The following SGCD variants were observed in gnomAD, a reference collection of about 807,000 sequenced individuals.
SGCD encodes sarcoglycan delta.
SGCD carries 18 observed loss-of-function variants against 36.6 expected under a neutral mutation model. The ratio of observed to expected loss-of-function variants is 0.49; its 90% CI spans 0.34 to 0.73. The LOEUF (loss-of-function observed/expected upper bound fraction) is 0.73. Among genes scored for constraint, SGCD ranks in the 30% least tolerant of loss-of-function variants. The pLI, the probability that SGCD is intolerant of heterozygous loss-of-function variation, is 0.01. For missense variants in SGCD, 387 were observed against 346.7 expected, an observed-to-expected ratio of 1.12 and a Z score of -0.92; for synonymous variants, 133 against 130.6, an observed-to-expected ratio of 1.02 and a Z score of -0.12.
chr5:156,006,301 A>G (rs531339687), intron 1 of SGCD, among the ~76,000 whole-genome samples: 15 of 152,328 alleles, frequency 9.8e-5, no homozygotes, highest in African/African-American at 3.6e-4. Flanking sequence ...CTAGCTTGGC[A>G]TTGATTTTGA....
chr5:156,456,174 C>T (rs1754249568), intron 3 of SGCD, among the ~76,000 whole-genome samples: 1 of 152,094 alleles, frequency 6.6e-6, no homozygotes. Flanking sequence ...GGGGAGGTAG[C>T]TTTGGAATGG....
At chr5:155,824,531 A>C in the SGCD span, among the ~76,000 whole-genome samples, 1 of 152,198 alleles carries the variant, frequency 6.6e-6, no homozygotes, top group Non-Finnish European at 1.5e-5. Context: ...ATGCACCATA[A>C]CTTGTTCAAA....
upstream of SGCD, among the ~76,000 whole-genome samples, chr5:156,324,600 C>T (rs1347930353): frequency 6.6e-6 from 1 of 152,120 alleles, no homozygotes. Flanking sequence ...TGAAATGAGC[C>T]ACATAACAAG....
intron 4 of SGCD, among the ~76,000 whole-genome samples, chr5:156,582,249 A>G (rs909723616): frequency 6.6e-6 from 1 of 152,166 alleles, no homozygotes; most frequent in African/African-American, 2.4e-5. Flanking sequence ...TTCATTGTCA[A>G]GTGCCACCTT....
At chr5:156,050,231 C>T (rs987389649) in intron 1 of SGCD, among the ~76,000 whole-genome samples, 4 of 146,210 alleles carry the variant, frequency 2.7e-5, no homozygotes, top group South Asian at 2.2e-4. Flanking sequence ...TTTAAGAAAT[C>T]GCCACAGCAA....
chr5:156,337,670 C>G (rs1242209335), intron 2 of SGCD, among the ~76,000 whole-genome samples: 1 of 152,136 alleles, frequency 6.6e-6, no homozygotes, highest in African/African-American at 2.4e-5. Context: ...TTCCTAGCAC[C>G]TAACTTTAGT....
At chr5:156,188,672 C>A (rs1434937009) in intron 3 of SGCD, among the ~76,000 whole-genome samples, 2 of 135,794 alleles carry the variant, frequency 1.5e-5, no homozygotes, top group African/African-American at 5.3e-5. Flanking sequence ...CCAACCGCCC[C>A]CCCCGACACA....
At chr5:156,754,194 G>T (rs563356880) in intron 7 of SGCD, among the ~76,000 whole-genome samples, 3 of 152,210 alleles carry the variant, frequency 2.0e-5, no homozygotes, top group African/African-American at 7.2e-5. Context: ...GGCCTAGGCA[G>T]TGGGCAAGAA....
chr5:156,408,780 C>T (rs1025954472), intron 3 of SGCD, among the ~76,000 whole-genome samples: 1 of 152,164 alleles, frequency 6.6e-6, no homozygotes, highest in Non-Finnish European at 1.5e-5. Flanking sequence ...ATTTTGCCTT[C>T]TTTTCCAAGG....
chr5:156,124,516 A>G (rs1287218898), intron 3 of SGCD, among the ~76,000 whole-genome samples: 1 of 152,154 alleles, frequency 6.6e-6, no homozygotes, highest in Non-Finnish European at 1.5e-5. Flanking sequence ...GCAGACTCTA[A>G]GTTGAAGTCA....
chr5:156,593,300 C>T (rs1335983454), intron 5 of SGCD, among the ~76,000 whole-genome samples: 3 of 152,116 alleles, frequency 2.0e-5, no homozygotes, highest in Non-Finnish European at 4.4e-5. Flanking sequence ...ACTATCAGCC[C>T]AGCCTTAGCA....
chr5:156,517,407 G>A (rs993783370), intron 4 of SGCD, among the ~76,000 whole-genome samples: 5 of 152,172 alleles, frequency 3.3e-5, no homozygotes, highest in African/African-American at 1.2e-4. Flanking sequence ...AACCAAGTTG[G>A]AAAACGTACT....
intron 3 of SGCD, among the ~76,000 whole-genome samples, chr5:156,189,160 T>A (rs1445605897): frequency 6.6e-6 from 1 of 152,152 alleles, no homozygotes; most frequent in Non-Finnish European, 1.5e-5. Context: ...TCCTTTAACA[T>A]CCAACAAACC....
At chr5:156,626,846 G>T (rs538455106) in intron 6 of SGCD, among the ~76,000 whole-genome samples, 1 of 152,198 alleles carries the variant, frequency 6.6e-6, no homozygotes, top group South Asian at 2.1e-4. Flanking sequence ...TAAAAAGGCA[G>T]CTCTTCTTGG....
At chr5:155,901,872 A>T (rs1353923398) in intron 1 of SGCD, among the ~76,000 whole-genome samples, 2 of 152,194 alleles carry the variant, frequency 1.3e-5, no homozygotes, top group African/African-American at 4.8e-5. Flanking sequence ...TCCCCACTTC[A>T]TAGATCAAGA....
intron 4 of SGCD, among the ~76,000 whole-genome samples, chr5:156,575,050 G>A (rs1474249187): frequency 6.6e-6 from 1 of 152,192 alleles, no homozygotes; most frequent in Non-Finnish European, 1.5e-5. Flanking sequence ...ACCTTGCATG[G>A]AAGAGCCCTG....
intron 3 of SGCD, among the ~76,000 whole-genome samples, chr5:156,154,704 A>C (rs1355964442): frequency 6.6e-6 from 1 of 151,708 alleles, no homozygotes; most frequent in Non-Finnish European, 1.5e-5. Flanking sequence ...CAGGTAAAGT[A>C]GTTGGACTGT....
chr5:155,794,613 A>C, the SGCD span, among the ~76,000 whole-genome samples: 1 of 152,150 alleles, frequency 6.6e-6, no homozygotes, highest in East Asian at 1.9e-4. Context: ...TAGACAGCTT[A>C]GTAGAACCTA....
chr5:156,290,575 C>T (rs541905664), intron 3 of SGCD, among the ~76,000 whole-genome samples: 177 of 152,214 alleles, frequency 1.2e-3, no homozygotes, highest in African/African-American at 3.9e-3. Flanking sequence ...TGAAAAGTTG[C>T]ACATGAAGTG....
Sources: gnomAD v4.1 joint callset for allele counts (sites outside exome capture counted in the v4.1 genomes callset) on GRCh38, gnomAD v4.1.1 for gene constraint, MANE v1.5 for transcripts, NCBI Gene and HGNC (gene_info 2026-07-23, HGNC 2026-07-21) for gene names.